The following LIN9 variants were observed in gnomAD, a reference collection of about 807,000 sequenced individuals.
LIN9 encodes protein lin-9 homolog.
A neutral mutation model predicts 78.0 loss-of-function variants in LIN9; 18 were observed. The ratio of observed to expected loss-of-function variants is 0.23; its 90% CI spans 0.16 to 0.34. The LOEUF is 0.34. Among genes scored for constraint, LIN9 ranks in the 10% least tolerant of loss-of-function variants. The pLI is 1.00. For missense variants in LIN9, 451 were observed against 644.1 expected (o/e 0.70, Z 3.25); for synonymous variants, 192 against 215.2 (o/e 0.89, Z 0.94).
Position 226,277,937 on chromosome 1 carries a change from A to G in LIN9, c.525-5T>C. ...TCAAAAAATGCAGAAGAACATCTAG[A>G]ATAAATTATAAAAAACATACAAACT... On this transcript the variant is annotated splice_polypyrimidine_tract_variant and splice_region_variant and intron_variant, in intron 6 of 14. Transcript: ENST00000681046. The G allele has an allele frequency of 6.2e-7, 1 of 1,601,172 alleles. No individual in the cohort carries two copies. The highest frequency in any genetic ancestry group is 8.5e-7 in the Non-Finnish European group (1 of 1,174,134).
intron 9 of LIN9, 82 bp downstream of exon 9, chr1:226,266,131 G>T: frequency 1.1e-6 from 1 of 911,070 alleles, no homozygotes; most frequent in Non-Finnish European, 1.5e-6. Context: ...TGAAGTTGCT[G>T]TAATAGATGT....
At chr1:226,301,879 G>A (rs534698644) in intron 1 of LIN9, among the ~76,000 whole-genome samples, 75 of 152,180 alleles carry the variant, frequency 4.9e-4, no homozygotes, top group Non-Finnish European at 8.8e-4. Flanking sequence ...GACCAGCCTG[G>A]GCAACATAAG....
chr1:226,278,823 C>CAG (rs1660834163), intron 6 of LIN9, among the ~76,000 whole-genome samples: 1 of 129,730 alleles, frequency 7.7e-6, no homozygotes, highest in South Asian at 2.5e-4. Flanking sequence ...AACTCCGTCT[C>CAG]AAAAAAAAAA....
intron 3 of LIN9, among the ~76,000 whole-genome samples, chr1:226,296,368 G>A (rs868535482): frequency 6.6e-5 from 10 of 152,264 alleles, no homozygotes; most frequent in African/African-American, 1.2e-4. Flanking sequence ...CTCTAGAAGA[G>A]TAAGCCTAAA....
At chr1:226,309,247 G>T, upstream of LIN9, 2 of 1,310,754 alleles carry the variant, frequency 1.5e-6, no homozygotes, top group Non-Finnish European at 9.9e-7. Context: ...TGCCCGCGGC[G>T]CCGCGCTGCG....
chr1:226,247,441 A>T (rs1461530672), intron 11 of LIN9, among the ~76,000 whole-genome samples: 1 of 152,156 alleles, frequency 6.6e-6, no homozygotes, highest in Non-Finnish European at 1.5e-5. Context: ...TCCTCCAAAG[A>T]GGACTTAAAG....
chr1:226,289,321 T>A (rs1661578624), intron 4 of LIN9, among the ~76,000 whole-genome samples: 1 of 152,024 alleles, frequency 6.6e-6, no homozygotes, highest in Non-Finnish European at 1.5e-5. Flanking sequence ...TATAAAGTCA[T>A]GTTAAACCAA....
intron 11 of LIN9, among the ~76,000 whole-genome samples, chr1:226,241,510 T>C (rs1279338146): frequency 6.6e-6 from 1 of 152,212 alleles, no homozygotes; most frequent in Non-Finnish European, 1.5e-5. Flanking sequence ...AGGGTTTACA[T>C]ATACAGTATA....
chr1:226,246,907 C>T (rs559446009), intron 11 of LIN9, among the ~76,000 whole-genome samples: 3 of 151,442 alleles, frequency 2.0e-5, no homozygotes, highest in African/African-American at 4.8e-5. Flanking sequence ...GGTTTTGGAA[C>T]GCCTTTAGTC....
upstream of LIN9, chr1:226,309,544 G>A: frequency 1.7e-6 from 2 of 1,181,842 alleles, no homozygotes; most frequent in Non-Finnish European, 2.2e-6. Flanking sequence ...GAGAACGGGA[G>A]GGAGGCCCCG....
At chr1:226,242,756 T>C (rs2102846225) in intron 11 of LIN9, among the ~76,000 whole-genome samples, 1 of 152,278 alleles carries the variant, frequency 6.6e-6, no homozygotes. Flanking sequence ...CCTCTACCTC[T>C]TCTGCCTCTG....
In LIN9 at chr1:226,291,884, T is replaced by C. The variant is rs549311682; in HGVS notation, c.264+3958A>G. 2.6e-4 allele frequency among the ~76,000 whole-genome samples: 40 copies of C among 152,154 alleles called. 1 individual carries two copies. The highest frequency in any genetic ancestry group is 8.7e-4 in the African/African-American group (36 of 41,532). ...GCATTTAGAAAAATAACTTTGTTTT[T>C]CTTTGTTTTCCCTCAGTGACCATTC... On this transcript the variant is annotated intron_variant, in intron 4 of 14. Transcript: ENST00000681046.
rs75027947 is a variant in LIN9, at chr1:226,297,748, C to A, written c.130G>T (p.Gly44Cys). 506 of 1,588,378 alleles carry A rather than the reference C, an allele frequency of 3.2e-4. 1 individual carries two copies. The highest frequency in any genetic ancestry group is 4.1e-4 in the Non-Finnish European group (474 of 1,169,992). ...TCCACAGCAGAGCTTGTATTCCTGC[C>A]TTTCCAAACAGGTGTTTTCTGTAAA... is the stretch of plus-strand genomic sequence containing the variant. ...SSLQKTPVWK[G>C]RNTSSAVEMP... Residue 44 changes from glycine (G) to cysteine (C), a missense_variant, in exon 3 of 15, where the codon GGC becomes TGC. Coordinates refer to ENST00000681046, the MANE Select transcript of LIN9 (RefSeq NM_001366245.2).
At chr1:226,292,015 C>T (rs2102644481) in intron 4 of LIN9, among the ~76,000 whole-genome samples, 1 of 152,116 alleles carries the variant, frequency 6.6e-6, no homozygotes, top group Admixed American at 6.5e-5. Flanking sequence ...ATATTCTTAT[C>T]ACAAAAAGTG....
intron 1 of LIN9, chr1:226,308,719 A>C (rs1392498621): frequency 6.4e-6 from 1 of 155,888 alleles, no homozygotes; most frequent in Non-Finnish European, 1.4e-5. Flanking sequence ...GGCGAGTTAC[A>C]TAACCCCGGC....
At chr1:226,248,894 G>A (rs1658652479) in intron 11 of LIN9, among the ~76,000 whole-genome samples, 1 of 152,012 alleles carries the variant, frequency 6.6e-6, no homozygotes, top group Non-Finnish European at 1.5e-5. Context: ...AACATATCAA[G>A]CCAACTAGAT....
chr1:226,296,371 A>C (rs1023970227), intron 3 of LIN9, among the ~76,000 whole-genome samples: 2 of 152,212 alleles, frequency 1.3e-5, no homozygotes, highest in Admixed American at 1.3e-4. Context: ...TAGAAGAGTA[A>C]GCCTAAATGT....
intron 7 of LIN9, among the ~76,000 whole-genome samples, chr1:226,271,732 T>C (rs541566180): frequency 7.2e-5 from 11 of 152,330 alleles, no homozygotes; most frequent in African/African-American, 2.6e-4. Context: ...TCTTTAGTTA[T>C]CTCAACTGTT....
chr1:226,256,002 A>G (rs1165846748), intron 10 of LIN9, among the ~76,000 whole-genome samples: 1 of 152,046 alleles, frequency 6.6e-6, no homozygotes, highest in African/African-American at 2.4e-5. Context: ...AGATCTAAGA[A>G]TCTCAGAGAA....
Sources: gnomAD v4.1 joint callset for allele counts (sites outside exome capture counted in the v4.1 genomes callset) on GRCh38, gnomAD v4.1.1 for gene constraint, MANE v1.5 for transcripts, NCBI Gene and HGNC (gene_info 2026-07-23, HGNC 2026-07-21) for gene names.